BIRC6: variants seen among roughly 807,000 people sequenced by gnomAD.
BIRC6 encodes baculoviral IAP repeat containing 6.
In BIRC6, 98 loss-of-function variants were observed where a neutral mutation model predicts 503.3. The ratio of observed to expected loss-of-function variants is 0.19; its 90% confidence interval spans 0.17 to 0.23. The LOEUF (loss-of-function observed/expected upper bound fraction) is 0.23. Ranked by LOEUF, BIRC6 falls within the 10% of genes least tolerant of loss-of-function variation. The probability of loss-of-function intolerance (pLI) is 1.00; values close to 1 mark genes in which losing one functional copy is unlikely to be tolerated. For synonymous variants in BIRC6, 2,240 were observed against 2,078.7 expected (o/e 1.08, Z -2.11); for missense variants, 5,360 against 5,806.0 (o/e 0.92, Z 2.50).
intron 9 of BIRC6, among the ~76,000 whole-genome samples, chr2:32,408,228 A>G (rs1017602519): frequency 7.9e-5 from 12 of 152,210 alleles, no homozygotes; most frequent in South Asian, 6.2e-4. Context: ...TTGGCCTCCT[A>G]AAGTGCTAGG....
rs749192837 is a variant in BIRC6, at chr2:32,502,798, T to C, written c.9211T>C (p.Ser3071Pro). 3.1e-6 allele frequency: 5 copies of C among 1,609,438 alleles called. No individual in the cohort carries two copies. The highest frequency in any genetic ancestry group is 3.4e-6 in the Non-Finnish European group (4 of 1,178,010). ...ATATGCATATTTCATTTTTTAGGGC[T>C]CTCTTGCTACTTGCCAGTTATCTGA... The part of the protein sequence containing the change: ...MACGYMGRQG[S>P]LATCQLSEPL... Residue 3071 changes from serine to proline, a missense_variant, in exon 48 of 74, where the codon TCT (serine) becomes CCT (proline). By Grantham distance (74) the Ser-to-Pro change is moderately conservative. This residue lies in a region of BIRC6 where 267 missense variants were observed against 287.6 expected (regional missense o/e 0.93). Transcript: ENST00000421745.
At chr2:32,518,134 G>T in intron 55 of BIRC6, 120 bp from the exon 56 acceptor site, 2 of 919,420 alleles carry the variant, frequency 2.2e-6, no homozygotes, top group Non-Finnish European at 1.6e-6. Flanking sequence ...TTGTTCTTTA[G>T]CTACTGATTT....
At position 32,439,645 on chromosome 2, in the gene BIRC6, T is replaced by A; in HGVS notation, c.3769T>A (p.Tyr1257Asn). 6.2e-7 allele frequency: 1 copy of A among 1,613,910 alleles called. No homozygotes were observed. Among genetic ancestry groups the A allele is most frequent in the Non-Finnish European group, 8.5e-7 (1 of 1,179,852 alleles). Residue 1257 changes from tyrosine (Y) to asparagine (N), a missense_variant, in exon 16 of 74, where the codon TAT becomes AAT. By Grantham distance (143) the Tyr-to-Asn change is moderately radical. Around this residue, in one of 16 missense-constraint regions of BIRC6, gnomAD observed 2,299 missense variants for 2,267.2 expected, o/e 1.01. Coordinates refer to ENST00000421745, the MANE Select transcript of BIRC6 (RefSeq NM_016252.4). ...CCTAAAACACCAGAGTAACAAGGGT[T>A]ATTCACTTGCTTCACTTTTGGCTAA... ...PSLKHQSNKG[Y>N]SLASLLAKVA...
intron 9 of BIRC6, among the ~76,000 whole-genome samples, chr2:32,414,377 T>TG (rs1488307925): frequency 6.7e-6 from 1 of 150,302 alleles, no homozygotes; most frequent in Non-Finnish European, 1.5e-5. Context: ...GCACTTTAAA[T>TG]TTTTTTAGGC....
Position 32,470,205 on chromosome 2 carries a change from C to T in BIRC6, c.6385C>T (p.Leu2129Phe). The T allele has an allele frequency of 6.4e-7, 1 of 1,570,572 alleles. No individual in the cohort carries two copies. The highest frequency in any genetic ancestry group is 8.6e-7 in the Non-Finnish European group (1 of 1,156,758). ...ACTTTCCTGCATTGGTCAAAGATCA[C>T]TTAGTAATAGTGGAGTATTAGAAAG... is the stretch of plus-strand genomic sequence containing the variant. ...MLLSCIGQRSLSNSGVLESLL... is the reference protein window; with the variant it reads ...MLLSCIGQRSFSNSGVLESLL... The change falls in exon 31 of 74, where the codon CTT becomes TTT. Residue 2129 changes from leucine (L) to phenylalanine (F), a missense_variant. By Grantham distance (22) the Leu-to-Phe change is conservative. Transcript: ENST00000421745.
chr2:32,590,943 A>G, intron 66 of BIRC6: 2 of 985,832 alleles, frequency 2.0e-6, no homozygotes, highest in Non-Finnish European at 2.4e-6. Context: ...TTGAACTCAA[A>G]TAGCTTTTCA....
intron 16 of BIRC6, among the ~76,000 whole-genome samples, chr2:32,441,011 C>T (rs1223374897): frequency 1.3e-5 from 2 of 151,944 alleles, no homozygotes; most frequent in Non-Finnish European, 1.5e-5. Flanking sequence ...CTGTCTGCCT[C>T]GGCCTCCCAA....
intron 10 of BIRC6, among the ~76,000 whole-genome samples, chr2:32,424,588 C>G (rs1343428922): frequency 4.0e-5 from 6 of 151,570 alleles, no homozygotes; most frequent in African/African-American, 1.5e-4. Context: ...GATCTCGGCT[C>G]ACTGCAACCT....
At chr2:32,598,004 C>G in intron 69 of BIRC6, 36 bp downstream of exon 69, 1 of 1,508,698 alleles carries the variant, frequency 6.6e-7, no homozygotes, top group Non-Finnish European at 9.0e-7. Context: ...TCTCCCTTAT[C>G]TCCTTGGCTC....
chr2:32,439,756 TAGAA>T, intron 16 of BIRC6, 70 bp downstream of exon 16: 4 of 1,381,848 alleles, frequency 2.9e-6, no homozygotes, highest in Non-Finnish European at 4.0e-6. Flanking sequence ...AACACACTAT[TAGAA>T]GTAGTATGAC....
chr2:32,587,433 T>C (rs1040080510), intron 66 of BIRC6, among the ~76,000 whole-genome samples: 1 of 152,122 alleles, frequency 6.6e-6, no homozygotes, highest in East Asian at 1.9e-4. Context: ...AAAATATTTT[T>C]AGTTGAAAAA....
intron 1 of BIRC6, among the ~76,000 whole-genome samples, chr2:32,374,018 G>C (rs999969809): frequency 6.6e-6 from 1 of 152,194 alleles, no homozygotes; most frequent in Non-Finnish European, 1.5e-5. Flanking sequence ...CATGAAGACA[G>C]AAAGTAGCAA....
At position 32,509,876 on chromosome 2, in the gene BIRC6, G is replaced by A; in HGVS notation, c.10119G>A (p.Met3373Ile). 1 of 1,613,966 alleles carries A rather than the reference G, an allele frequency of 6.2e-7. No homozygotes were observed. The highest frequency in any genetic ancestry group is 8.5e-7 in the Non-Finnish European group (1 of 1,179,872). Residue 3373 changes from methionine to isoleucine, a missense_variant, in exon 52 of 74, where the codon ATG (methionine) becomes ATA (isoleucine). Physicochemically the swap from Met to Ile is conservative, Grantham distance 10. Transcript: ENST00000421745. ...TATTGATGTCACCTTACTGTGGAAT[G>A]CATTCACCCAACATCGAGGTTGTGC... The part of the protein sequence containing the change: ...AALLMSPYCG[M>I]HSPNIEVVLV...
In BIRC6 at chr2:32,443,576, G is replaced by A; in HGVS notation, c.4324G>A (p.Ala1442Thr). ...TGATAATATGTCATTTTTACCTGCA[G>A]CAACAACTGGTGGTATGTAAAATTA... Reference protein sequence around the residue: ...LLDNMSFLPAATTGGSVYWYF... With the variant: ...LLDNMSFLPATTTGGSVYWYF... The change falls in exon 20 of 74, where the codon GCA becomes ACA. Residue 1442 changes from alanine (A) to threonine (T), a missense_variant. Coordinates refer to ENST00000421745, the MANE Select transcript of BIRC6 (RefSeq NM_016252.4). 1 of 1,599,770 alleles carries A rather than the reference G, an allele frequency of 6.3e-7. No homozygotes were observed. Among genetic ancestry groups the A allele is most frequent in the Non-Finnish European group, 8.5e-7 (1 of 1,171,818 alleles).
At chr2:32,398,111 G>C (rs2040174223) in intron 6 of BIRC6, among the ~76,000 whole-genome samples, 1 of 152,150 alleles carries the variant, frequency 6.6e-6, no homozygotes, top group Non-Finnish European at 1.5e-5. Flanking sequence ...TATTTTGACT[G>C]TGCGAGTTGA....
intron 22 of BIRC6, among the ~76,000 whole-genome samples, chr2:32,450,595 C>T (rs142363986): frequency 2.6e-5 from 4 of 152,264 alleles, no homozygotes; most frequent in Admixed American, 1.3e-4. Context: ...AAATGTCATT[C>T]ATGATACTTA....
rs1268062294 is a variant in BIRC6 at position 32,376,364 on chromosome 2, T to G, written c.326-1224T>G. Among the ~76,000 whole-genome samples the G allele has an allele frequency of 3.3e-5, 5 of 152,160 alleles. No individual in the cohort carries two copies. The East Asian group carries it at 9.6e-4, about 29-fold the overall frequency. On this transcript the variant is annotated intron_variant, in intron 1 of 73. Coordinates refer to ENST00000421745, the MANE Select transcript of BIRC6 (RefSeq NM_016252.4). Reference sequence around the variant, plus strand: ...ACAAAATTATCACAGTTTTATAATATGTACTACAGCTAATTTTATTTAGTT... The same window carrying G: ...ACAAAATTATCACAGTTTTATAATAGGTACTACAGCTAATTTTATTTAGTT...
intron 65 of BIRC6, among the ~76,000 whole-genome samples, chr2:32,562,893 A>G (rs1253430582): frequency 1.3e-5 from 2 of 152,204 alleles, no homozygotes; most frequent in African/African-American, 2.4e-5. Context: ...TAGATCTGCT[A>G]TAAACATTCA....
chr2:32,472,609 C>G (rs1323043010), intron 32 of BIRC6, among the ~76,000 whole-genome samples: 1 of 151,886 alleles, frequency 6.6e-6, no homozygotes, highest in African/African-American at 2.4e-5. Context: ...TTATTGGGCC[C>G]AAATTGAATG....
Sources: allele counts gnomAD v4.1 joint callset (sites outside exome capture counted in the v4.1 genomes callset), GRCh38; gene constraint gnomAD v4.1.1; regional missense constraint gnomAD v4.1.1; transcripts MANE v1.5; gene names NCBI Gene and HGNC (gene_info 2026-07-23, HGNC 2026-07-21).